Variants in LILRA2 observed in about 807,000 individuals in gnomAD.
The protein encoded by LILRA2 is leukocyte immunoglobulin-like receptor subfamily A member 2.
LILRA2 carries 45 observed loss-of-function variants against 47.9 expected under a neutral mutation model. The observed-to-expected ratio is 0.94, with a 90% confidence interval of 0.74 to 1.20. The LOEUF (loss-of-function observed/expected upper bound fraction) is 1.20, where lower values mean the gene tolerates loss of function less well. Ranked by LOEUF, LILRA2 falls within the 50% of genes most tolerant of loss-of-function variation. The probability of loss-of-function intolerance (pLI) is 0.00; values close to 1 mark genes in which losing one functional copy is unlikely to be tolerated. For synonymous variants in LILRA2, 279 were observed against 249.2 expected (o/e 1.12, Z -1.13); for missense variants, 651 against 598.2 (o/e 1.09, Z -0.92).
At chr19:54,575,135 T>G in intron 4 of LILRA2, 102 bp downstream of exon 4, 1 of 1,557,904 alleles carries the variant, frequency 6.4e-7, no homozygotes, top group Non-Finnish European at 8.7e-7. Context: ...TGGGATGATG[T>G]TGGGGCGAGA....
chr19:54,587,026 C>T lies in LILRA2; in HGVS notation c.1272C>T (p.Leu424=). 6.2e-7 allele frequency: 1 copy of T among 1,613,028 alleles called. No individual in the cohort carries two copies. Among genetic ancestry groups the T allele is most frequent in the Non-Finnish European group, 8.5e-7 (1 of 1,179,380 alleles). Residue 424 remains leucine (L), a synonymous_variant, in exon 7 of 8, where the codon CTC becomes CTT. Transcript: ENST00000391738. ...GATTCTCAGAAGCAGCTGAGACCCT[C>T]AGCCCATCACAAAACAAGACAGACT... is the stretch of plus-strand genomic sequence containing the variant. ...ELVVSEAAET[L]SPSQNKTDST...
intron 6 of LILRA2, among the ~76,000 whole-genome samples, chr19:54,579,916 T>C (rs949221614): frequency 3.3e-5 from 5 of 152,154 alleles, no homozygotes; most frequent in African/African-American, 1.2e-4. Context: ...TGTTTGTCTA[T>C]TATTGGTTTA....
At chr19:54,577,741 G>A (rs1000101165) in intron 6 of LILRA2, 14 of 1,211,120 alleles carry the variant, frequency 1.2e-5, no homozygotes, top group East Asian at 1.2e-4. Context: ...TTCACAGCAC[G>A]TCTTTCTGTT....
chr19:54,579,563 T>A (rs1362951679), intron 6 of LILRA2, among the ~76,000 whole-genome samples: 1 of 152,192 alleles, frequency 6.6e-6, no homozygotes, highest in Non-Finnish European at 1.5e-5. Context: ...ACTTTGTTCT[T>A]TTTGCTTAGG....
At chr19:54,585,956 T>A (rs1320607638) in intron 6 of LILRA2, among the ~76,000 whole-genome samples, 2 of 152,178 alleles carry the variant, frequency 1.3e-5, no homozygotes, top group Admixed American at 1.3e-4. Flanking sequence ...AGTGACTGGT[T>A]TCATTATGTT....
rs543081234 is a variant in LILRA2 at position 54,584,047 on chromosome 19, A to C, written c.1256-2963A>C. Among the ~76,000 whole-genome samples, 8 of 152,276 alleles carry C rather than the reference A, an allele frequency of 5.3e-5. No individual in the cohort carries two copies. In the East Asian group the frequency reaches 1.5e-3, roughly 29 times the overall value. On this transcript the variant is annotated intron_variant, in intron 6 of 7. Transcript: ENST00000391738. ...CACTGATGAAGCTTAGTTTGGCTTG[A>C]TATGACAGTCTGGGTTGAAAATTAT... is the stretch of plus-strand genomic sequence containing the variant.
At chr19:54,580,080 C>G (rs1032497527) in intron 6 of LILRA2, among the ~76,000 whole-genome samples, 6 of 152,192 alleles carry the variant, frequency 3.9e-5, no homozygotes, top group Middle Eastern at 3.4e-3. Flanking sequence ...TTCTCTTTTC[C>G]TAATTGAATA....
In LILRA2 at chr19:54,589,023, C is replaced by A. The variant is rs2062881460; in HGVS notation, c.*1677C>A. 6.6e-6 allele frequency: 1 copy of A among 152,142 alleles called. No homozygotes were observed. The highest frequency in any genetic ancestry group is 6.5e-5 in the Admixed American group (1 of 15,272). 9.4% of individuals were successfully genotyped at this position (152,142 alleles called of 1,614,324 possible). ...TTCTGCTGGTCCAGGCACTCCTTGG[C>A]TTGGGGCAGCATCCCACCAGTTTCT... On this transcript the variant is annotated 3_prime_UTR_variant, in exon 8 of 8. Coordinates refer to ENST00000391738, the MANE Select transcript of LILRA2 (RefSeq NM_001130917.3).
At chr19:54,586,400 C>A (rs1049610422) in intron 6 of LILRA2, among the ~76,000 whole-genome samples, 1 of 151,972 alleles carries the variant, frequency 6.6e-6, no homozygotes. Context: ...TGTGCATGCA[C>A]GTGTATTGCA....
Position 54,587,494 on chromosome 19 carries a change from G to T in LILRA2, c.*148G>T. The T allele has an allele frequency of 7.8e-7, 1 of 1,284,400 alleles. No individual in the cohort carries two copies. Among genetic ancestry groups the T allele is most frequent in the Non-Finnish European group, 1.1e-6 (1 of 949,164 alleles). The allele number at this position is 1,284,400 out of a possible 1,614,324, so 79.6% of individuals were successfully genotyped here. A position where few individuals can be genotyped will look rare whatever the true frequency, so the allele number is the denominator to read the frequency against. On this transcript the variant is annotated 3_prime_UTR_variant, in exon 8 of 8. Coordinates refer to ENST00000391738, the MANE Select transcript of LILRA2 (RefSeq NM_001130917.3). ...TAGAGACAGCAATCAATATTTGAGTGTAAGGAAACTGTCTGGGGTGATTCC... is the reference window on the plus strand; with the variant it reads ...TAGAGACAGCAATCAATATTTGAGTTTAAGGAAACTGTCTGGGGTGATTCC...
chr19:54,587,444 A>C lies in LILRA2; in HGVS notation c.*98A>C, dbSNP rs1568528837. 3 of 1,548,886 alleles carry C rather than the reference A, an allele frequency of 1.9e-6. No individual in the cohort carries two copies. Among genetic ancestry groups the C allele is most frequent in the East Asian group, 2.3e-5 (1 of 43,876 alleles). On this transcript the variant is annotated 3_prime_UTR_variant, in exon 8 of 8. Transcript: ENST00000391738. ...TGGAGGACAATCTAGGACCTACATT[A>C]TCTGGACTGTATGCTGGTCATTTCT... is the stretch of plus-strand genomic sequence containing the variant.
rs764118097 is a variant in LILRA2 at position 54,573,927 on chromosome 19, G to A, written c.34+15G>A. The A allele has an allele frequency of 2.5e-6, 4 of 1,613,334 alleles. No individual in the cohort carries two copies. Among genetic ancestry groups the A allele is most frequent in the East Asian group, 2.2e-5 (1 of 44,874 alleles). ...GATCTGTCTCGGTGAGATTTGAAGAGGGAGGGGAGCTTCTAACCTAGGAGG... is the reference window on the plus strand; with the variant it reads ...GATCTGTCTCGGTGAGATTTGAAGAAGGAGGGGAGCTTCTAACCTAGGAGG... On this transcript the variant is annotated intron_variant, in intron 1 of 7. Transcript: ENST00000391738.
Position 54,574,540 on chromosome 19 carries a change from C to A in LILRA2, c.310C>A (p.His104Asn), listed in dbSNP as rs1235491386. The A allele has an allele frequency of 6.3e-7, 1 of 1,598,814 alleles. No individual in the cohort carries two copies. The highest frequency in any genetic ancestry group is 8.6e-7 in the Non-Finnish European group (1 of 1,165,980). Residue 104 changes from histidine (H) to asparagine (N), a missense_variant, in exon 3 of 8, where the codon CAC becomes AAC. Coordinates refer to ENST00000391738, the MANE Select transcript of LILRA2 (RefSeq NM_001130917.3). ...TCACTGTCAGTACTACAGCCACAAT[C>A]ACTCATCAGAGTACAGTGACCCCCT... ...RYHCQYYSHN[H>N]SSEYSDPLEL...
chr19:54,577,639 C>T, intron 6 of LILRA2: 1 of 1,289,648 alleles, frequency 7.8e-7, no homozygotes, highest in Non-Finnish European at 1.0e-6. Context: ...CACACTGCCC[C>T]TCCTGTGCTC....
At chr19:54,584,139 C>T (rs1272989744) in intron 6 of LILRA2, among the ~76,000 whole-genome samples, 1 of 152,226 alleles carries the variant, frequency 6.6e-6, no homozygotes, top group Admixed American at 6.5e-5. Context: ...GCCAAGAGAT[C>T]CGCTGTTAGT....
rs1216600170 is a variant in LILRA2, at chr19:54,574,470, C to T, written c.240C>T (p.Gly80=). The stretch of plus-strand genomic sequence containing the variant: ...GGATACAAGAGCCTGGGAAGAATGG[C>T]CAGTTCCCCATCCCATCCATCACCT... The part of the protein sequence containing the change: ...VRRIQEPGKN[G]QFPIPSITWE... The change falls in exon 3 of 8, where the codon GGC becomes GGT. Residue 80 remains glycine (G), a synonymous_variant. Coordinates refer to ENST00000391738, the MANE Select transcript of LILRA2 (RefSeq NM_001130917.3). 4 of 1,614,008 alleles carry T rather than the reference C, an allele frequency of 2.5e-6. No individual in the cohort carries two copies. Among genetic ancestry groups the T allele is most frequent in the Non-Finnish European group, 3.4e-6 (4 of 1,180,014 alleles).
chr19:54,575,517 C>T lies in LILRA2; in HGVS notation c.917C>T (p.Ser306Leu), dbSNP rs1328180434. Reference protein sequence around the residue: ...YSAHNLSSEWSAPSDPLDILI... With the variant: ...YSAHNLSSEWLAPSDPLDILI... The stretch of plus-strand genomic sequence containing the variant: ...GCACACAACCTCTCCTCCGAGTGGT[C>T]GGCCCCCAGTGACCCCCTGGACATC... The change falls in exon 5 of 8, where the codon TCG becomes TTG. Residue 306 changes from serine to leucine, a missense_variant. By Grantham distance (145) the Ser-to-Leu change is moderately radical (BLOSUM62 -2). Transcript: ENST00000391738. 7.4e-6 allele frequency: 12 copies of T among 1,612,388 alleles called. No homozygotes were observed. The highest frequency in any genetic ancestry group is 2.2e-5 in the South Asian group (2 of 91,010).
At chr19:54,574,276 A>AATCCG in intron 2 of LILRA2, 25 bp from the exon 3 acceptor site, 5 of 1,613,936 alleles carry the variant, frequency 3.1e-6, no homozygotes, top group Non-Finnish European at 4.2e-6. Context: ...AATGACTTAG[A>AATCCG]ATCCGACCTC....
chr19:54,587,117 A>G (rs2062834612), intron 7 of LILRA2, 57 bp downstream of exon 7: 1 of 1,610,744 alleles, frequency 6.2e-7, no homozygotes, highest in East Asian at 2.2e-5. Flanking sequence ...GGTCCTGTAA[A>G]GGGGAGGTGG....
Sources: gnomAD v4.1 joint callset for allele counts (sites outside exome capture counted in the v4.1 genomes callset) on GRCh38, gnomAD v4.1.1 for gene constraint, MANE v1.5 for transcripts, NCBI Gene and HGNC (gene_info 2026-07-23, HGNC 2026-07-21) for gene names.